NEB: variants seen among roughly 807,000 people sequenced by gnomAD.
The protein encoded by NEB is nemaline myopathy type 2.
Under a neutral mutation model 952.2 loss-of-function variants are expected in NEB, and 512 were observed. That is an observed-to-expected ratio of 0.54 (90% CI 0.50 to 0.58). The LOEUF (loss-of-function observed/expected upper bound fraction) is 0.58. Among genes scored for constraint, NEB ranks in the 20% least tolerant of loss-of-function variants. NEB has a pLI of 0.00. For missense variants in NEB, 8,428 were observed against 9,231.1 expected (o/e 0.91, Z 3.56); for synonymous variants, 2,900 against 3,149.8 (o/e 0.92, Z 2.66).
chr2:151,574,960 G>A lies in NEB; in HGVS notation c.17013+735C>T, dbSNP rs1004598144. On this transcript the variant is annotated intron_variant, in intron 107 of 181. Coordinates refer to ENST00000397345, the MANE Select transcript of NEB (RefSeq NM_001164508.2). ...TCCCTATGTTGCCCAGACTAGTCTT[G>A]AACTCCTGGGCTCAAGCAATCCTCT... 3.6e-4 allele frequency among the ~76,000 whole-genome samples: 54 copies of A among 151,962 alleles called. 1 individual carries two copies. The highest frequency in any genetic ancestry group is 3.0e-3 in the Admixed American group (46 of 15,258).
In NEB at chr2:151,631,294, A is replaced by G. The variant is rs145770770; in HGVS notation, c.9467T>C (p.Ile3156Thr). 3.0e-5 allele frequency: 48 copies of G among 1,613,808 alleles called. No individual in the cohort carries two copies. The highest frequency in any genetic ancestry group is 2.8e-4 in the Admixed American group (17 of 60,000). ...GCACTTGACCACATCCATAGACCCAATGGGGACCCAGCCAATGCCTCTCAG... is the reference window on the plus strand; with the variant it reads ...GCACTTGACCACATCCATAGACCCAGTGGGGACCCAGCCAATGCCTCTCAG... ...QWLRGIGWVP[I>T]GSMDVVKCKR... The change falls in exon 66 of 182, where the codon ATT becomes ACT. Residue 3156 changes from isoleucine to threonine, a missense_variant. Physicochemically the swap from Ile to Thr is moderately conservative, Grantham distance 89. Coordinates refer to ENST00000397345, the MANE Select transcript of NEB (RefSeq NM_001164508.2).
rs1247775489 is a variant in NEB at position 151,695,524 on chromosome 2, C to T, written c.1674+54G>A. On this transcript the variant is annotated intron_variant, in intron 18 of 181. Transcript: ENST00000397345. The stretch of plus-strand genomic sequence containing the variant: ...TTGAATTGCAACAAAGCAGTTCAAA[C>T]ATAAAAGCACAGGTTGTCAGTACAT... The T allele has an allele frequency of 1.1e-5, 14 of 1,305,744 alleles. No individual in the cohort carries two copies. In the East Asian group the frequency reaches 3.3e-4, roughly 30 times the overall value. 80.9% of individuals were successfully genotyped at this position (1,305,744 alleles called of 1,614,324 possible). A position where few individuals can be genotyped will look rare whatever the true frequency, so the allele number is the denominator to read the frequency against.
chr2:151,690,702 C>A, intron 24 of NEB, 25 bp downstream of exon 24: 4 of 1,522,196 alleles, frequency 2.6e-6, no homozygotes, highest in South Asian at 2.4e-5. Flanking sequence ...GGGTCACCCA[C>A]GCTTGCATAA....
chr2:151,538,925 G>T (rs757230357), intron 138 of NEB, among the ~76,000 whole-genome samples: 2 of 152,110 alleles, frequency 1.3e-5, no homozygotes, highest in African/African-American at 2.4e-5. Context: ...TTTCTTTTGG[G>T]GTTAACTGAG....
chr2:151,527,668 C>G, intron 146 of NEB, 83 bp from the exon 147 acceptor site: 1 of 893,192 alleles, frequency 1.1e-6, no homozygotes, highest in Non-Finnish European at 1.8e-6. Context: ...GGGGCTCTTG[C>G]ATTTCAAAAC....
intron 13 of NEB, among the ~76,000 whole-genome samples, chr2:151,704,834 C>T (rs1170853560): frequency 6.6e-6 from 1 of 152,214 alleles, no homozygotes; most frequent in African/African-American, 2.4e-5. Flanking sequence ...GTCGCTCGCT[C>T]ACGCTGGGAG....
intron 161 of NEB, among the ~76,000 whole-genome samples, chr2:151,508,377 T>C (rs1209505642): frequency 6.6e-6 from 1 of 152,176 alleles, no homozygotes; most frequent in East Asian, 1.9e-4. Context: ...GGAACCTTGC[T>C]AGCTGGTCCA....
chr2:151,663,862 G>A lies in NEB; in HGVS notation c.5452-3C>T. ...TCATAGGCTTTCTTGTATTTGTACTGTGGACAGAGAAGAAATTATGGTGAT... is the reference window on the plus strand; with the variant it reads ...TCATAGGCTTTCTTGTATTTGTACTATGGACAGAGAAGAAATTATGGTGAT... On this transcript the variant is annotated splice_region_variant and splice_polypyrimidine_tract_variant and intron_variant, in intron 44 of 181. Transcript: ENST00000397345. 1 of 1,610,072 alleles carries A rather than the reference G, an allele frequency of 6.2e-7. No homozygotes were observed. The highest frequency in any genetic ancestry group is 8.5e-7 in the Non-Finnish European group (1 of 1,177,322).
intron 173 of NEB, among the ~76,000 whole-genome samples, chr2:151,495,663 AAAG>A (rs888028574): frequency 4.0e-5 from 6 of 151,648 alleles, no homozygotes; most frequent in Non-Finnish European, 7.4e-5. Context: ...CAGTAAAACT[AAAG>A]AACAACAACA....
chr2:151,540,934 T>C (rs866566955), intron 136 of NEB, 133 bp from the exon 137 acceptor site: 14 of 747,938 alleles, frequency 1.9e-5, no homozygotes, highest in Middle Eastern at 3.3e-4. Context: ...TGTTTGCTTG[T>C]TTTTTTGTTA....
intron 133 of NEB, 136 bp downstream of exon 133, chr2:151,547,293 T>C: frequency 1.5e-6 from 1 of 666,296 alleles, no homozygotes; most frequent in Non-Finnish European, 2.6e-6. Flanking sequence ...CACACTGTCT[T>C]ACCTCCAACT....
intron 10 of NEB, among the ~76,000 whole-genome samples, chr2:151,712,231 T>C (rs991029919): frequency 5.9e-5 from 9 of 152,318 alleles, no homozygotes; most frequent in African/African-American, 1.7e-4. Context: ...CAATTGGGCC[T>C]GATCCCCAAA....
Position 151,581,577 on chromosome 2 carries a change from C to T in NEB, c.16190G>A (p.Arg5397His), listed in dbSNP as rs1425847576. The T allele has an allele frequency of 1.7e-5, 14 of 822,852 alleles. No individual in the cohort carries two copies. The highest frequency in any genetic ancestry group is 2.5e-5 in the Non-Finnish European group (13 of 521,592). The allele number at this position is 822,852 out of a possible 1,614,324, so 51.0% of individuals were successfully genotyped here. ...AGCCTTCTCTTTCTCCCAGGCATCG[C>T]GATACAATGGCTGGGAAAAATGAAA... ...NAVQISEPLY[R>H]DAWEKEKANV... Residue 5397 changes from arginine to histidine, a missense_variant, in exon 103 of 182, where the codon CGC (arginine) becomes CAC (histidine). This residue lies in a region of NEB where 40 missense variants were observed against 61.2 expected (regional missense o/e 0.65). Coordinates refer to ENST00000397345, the MANE Select transcript of NEB (RefSeq NM_001164508.2).
intron 124 of NEB, among the ~76,000 whole-genome samples, chr2:151,558,362 G>A (rs1352489269): frequency 2.0e-5 from 3 of 152,132 alleles, no homozygotes; most frequent in Non-Finnish European, 4.4e-5. Context: ...AAGGAACTAA[G>A]AGAGGACACG....
chr2:151,654,385 G>C (rs536035064), intron 51 of NEB, among the ~76,000 whole-genome samples: 1 of 152,044 alleles, frequency 6.6e-6, no homozygotes, highest in Non-Finnish European at 1.5e-5. Flanking sequence ...GGCATATCAC[G>C]TATCTTTCTC....
chr2:151,612,515 C>T (rs2098022396), intron 77 of NEB, 126 bp from the exon 78 acceptor site: 1 of 942,022 alleles, frequency 1.1e-6, no homozygotes, highest in African/African-American at 1.6e-5. Flanking sequence ...TGGGAAGACC[C>T]ACAGGATTGC....
chr2:151,704,707 C>T (rs2099697408), intron 13 of NEB, among the ~76,000 whole-genome samples: 1 of 152,224 alleles, frequency 6.6e-6, no homozygotes, highest in Non-Finnish European at 1.5e-5. Flanking sequence ...AATGCCTCGC[C>T]CTGCTTCGGC....
intron 156 of NEB, among the ~76,000 whole-genome samples, chr2:151,517,809 A>C (rs2153372297): frequency 6.6e-6 from 1 of 152,360 alleles, no homozygotes; most frequent in African/African-American, 2.4e-5. Context: ...GTACACCTGC[A>C]TAGGGTAGCT....
chr2:151,636,193 T>C (rs759408425), intron 64 of NEB, 34 bp downstream of exon 64: 1 of 1,540,506 alleles, frequency 6.5e-7, no homozygotes, highest in Non-Finnish European at 8.9e-7. Flanking sequence ...CACATTAGAT[T>C]GATCACATAC....
Sources: allele counts gnomAD v4.1 joint callset (sites outside exome capture counted in the v4.1 genomes callset), GRCh38; gene constraint gnomAD v4.1.1; regional missense constraint gnomAD v4.1.1; transcripts MANE v1.5; gene names NCBI Gene and HGNC (gene_info 2026-07-23, HGNC 2026-07-21).